IL17D: variants seen among roughly 807,000 people sequenced by gnomAD.
The protein encoded by IL17D is interleukin-17D.
IL17D carries 10 observed loss-of-function variants against 5.7 expected under a neutral mutation model. The observed-to-expected ratio is 1.75, with a 90% CI of 1.08 to 2.97. The LOEUF (loss-of-function observed/expected upper bound fraction) is 2.97. IL17D is among the 30% of genes most tolerant of loss of function. The probability of loss-of-function intolerance (pLI) is 0.00; values close to 1 mark genes in which losing one functional copy is unlikely to be tolerated. For synonymous variants in IL17D, 172 were observed against 141.7 expected, an observed-to-expected ratio of 1.21 and a Z score of -1.52; for missense variants, 354 against 292.7, an observed-to-expected ratio of 1.21 and a Z score of -1.53.
At chr13:20,719,232 T>G (rs1245033745) in intron 1 of IL17D, among the ~76,000 whole-genome samples, 1 of 133,010 alleles carries the variant, frequency 7.5e-6, no homozygotes, top group Non-Finnish European at 1.6e-5. Flanking sequence ...CACACGCCCA[T>G]GCTTACACGC....
At chr13:20,710,710 A>G (rs1383234076) in intron 1 of IL17D, among the ~76,000 whole-genome samples, 1 of 149,786 alleles carries the variant, frequency 6.7e-6, no homozygotes, top group Non-Finnish European at 1.5e-5. Flanking sequence ...TTAACAGCTT[A>G]TGTTTTCCAA....
At chr13:20,701,787 C>T (rs1235902322), upstream of IL17D, 2 of 152,210 alleles carry the variant, frequency 1.3e-5, no homozygotes, top group African/African-American at 4.8e-5. Flanking sequence ...TGACTCTCAA[C>T]TGATTAGTCT....
chr13:20,708,133 G>A (rs9509343), intron 1 of IL17D, among the ~76,000 whole-genome samples: 97,410 of 152,098 alleles, frequency 0.64, 32,624 homozygotes, highest in Non-Finnish European at 0.75. Flanking sequence ...GGCTGGTCTC[G>A]AACTCCTGGC....
At chr13:20,719,514 C>G (rs1033030644) in intron 1 of IL17D, among the ~76,000 whole-genome samples, 1 of 152,224 alleles carries the variant, frequency 6.6e-6, no homozygotes, top group African/African-American at 2.4e-5. Flanking sequence ...CACTCATGTT[C>G]ACGGTCAAAT....
At chr13:20,714,388 G>C (rs2058662989) in intron 1 of IL17D, among the ~76,000 whole-genome samples, 1 of 152,220 alleles carries the variant, frequency 6.6e-6, no homozygotes, top group Admixed American at 6.5e-5. Flanking sequence ...TTATTACCGT[G>C]AGGCTTAGGC....
At chr13:20,717,987 C>G (rs1228713252) in intron 1 of IL17D, among the ~76,000 whole-genome samples, 2 of 152,110 alleles carry the variant, frequency 1.3e-5, no homozygotes, top group South Asian at 2.1e-4. Context: ...GAGCAGTTAC[C>G]TACATACCGA....
At chr13:20,715,130 G>A (rs751464653) in intron 1 of IL17D, among the ~76,000 whole-genome samples, 28 of 152,116 alleles carry the variant, frequency 1.8e-4, no homozygotes, top group African/African-American at 7.2e-5. Flanking sequence ...ACCTGTCTTC[G>A]TGACTCATTA....
chr13:20,717,744 C>G (rs1047132185), intron 1 of IL17D, among the ~76,000 whole-genome samples: 6 of 152,178 alleles, frequency 3.9e-5, no homozygotes, highest in Admixed American at 2.6e-4. Context: ...CCATGGCCCA[C>G]GCAGCCATGG....
chr13:20,704,527 C>T (rs1357975548), intron 1 of IL17D, among the ~76,000 whole-genome samples: 6 of 25,312 alleles, frequency 2.4e-4, no homozygotes, highest in Admixed American at 5.9e-4. Flanking sequence ...GGGTGGGGTG[C>T]GAGGGGCGCT....
At chr13:20,718,808 C>T (rs1332310496) in intron 1 of IL17D, among the ~76,000 whole-genome samples, 4 of 105,758 alleles carry the variant, frequency 3.8e-5, no homozygotes, top group African/African-American at 1.5e-4. Context: ...CCACGCTCAC[C>T]CCTGCCCACA....
chr13:20,717,056 G>T (rs1015222930), intron 1 of IL17D: 1 of 152,202 alleles, frequency 6.6e-6, no homozygotes, highest in Non-Finnish European at 1.5e-5. Flanking sequence ...CAGGGGCAGG[G>T]CTCTTTTTCT....
At chr13:20,719,359 TCA>T (rs1176553051) in intron 1 of IL17D, among the ~76,000 whole-genome samples, 1 of 126,842 alleles carries the variant, frequency 7.9e-6, no homozygotes, top group Non-Finnish European at 1.7e-5. Flanking sequence ...CTGCCCATAC[TCA>T]CACACATGCC....
rs548345374 is a variant in IL17D, at chr13:20,715,486, C to T, written c.291-6150C>T. ...ATCAGCTGCAAATCGATAGATAGATCCGAGCTTAGCCAATGGCTAGCTAGC... is the reference window on the plus strand; with the variant it reads ...ATCAGCTGCAAATCGATAGATAGATTCGAGCTTAGCCAATGGCTAGCTAGC... On this transcript the variant is annotated intron_variant, in intron 1 of 1. Transcript: ENST00000682841. Among the ~76,000 whole-genome samples the T allele has an allele frequency of 3.3e-5, 5 of 152,262 alleles. No individual in the cohort carries two copies. The South Asian group carries it at 8.3e-4, about 25-fold the overall frequency.
intron 1 of IL17D, among the ~76,000 whole-genome samples, chr13:20,715,272 G>GA (rs933319143): frequency 2.6e-5 from 4 of 151,590 alleles, no homozygotes; most frequent in African/African-American, 2.4e-5. Flanking sequence ...GGGGTGGGGG[G>GA]GACACTGATT....
chr13:20,704,240 G>T lies in IL17D; in HGVS notation c.239G>T (p.Arg80Leu). The change falls in exon 1 of 2, where the codon CGC (arginine) becomes CTC (leucine). Residue 80 changes from arginine (R) to leucine (L), a missense_variant. Transcript: ENST00000682841. Reference protein sequence around the residue: ...SCPAGGRPADRRFRPPTNLRS... With the variant: ...SCPAGGRPADLRFRPPTNLRS... ...CCGGCAGGGGGCAGGCCCGCCGACCGCCGCTTCCGGCCGCCCACCAACCTG... is the reference window on the plus strand; with the variant it reads ...CCGGCAGGGGGCAGGCCCGCCGACCTCCGCTTCCGGCCGCCCACCAACCTG... 1 of 1,308,148 alleles carries T rather than the reference G, an allele frequency of 7.6e-7. No homozygotes were observed. 81.0% of individuals were successfully genotyped at this position (1,308,148 alleles called of 1,614,324 possible).
intron 1 of IL17D, among the ~76,000 whole-genome samples, chr13:20,718,802 G>T (rs560120252): frequency 8.6e-6 from 1 of 116,076 alleles, no homozygotes; most frequent in Non-Finnish European, 1.8e-5. Flanking sequence ...ACCTGCCCAC[G>T]CTCACCCCTG....
chr13:20,719,725 C>G (rs1321691466), intron 1 of IL17D, among the ~76,000 whole-genome samples: 1 of 152,194 alleles, frequency 6.6e-6, no homozygotes, highest in African/African-American at 2.4e-5. Context: ...GCCCCGCAGG[C>G]CTTCTTTAGG....
intron 1 of IL17D, among the ~76,000 whole-genome samples, chr13:20,705,850 C>T (rs1034201074): frequency 2.1e-4 from 32 of 152,078 alleles, no homozygotes. Context: ...ACTCAGGCAG[C>T]GCGGTGGGAA....
upstream of IL17D, chr13:20,703,206 C>A: frequency 1.1e-6 from 1 of 907,016 alleles, no homozygotes; most frequent in Non-Finnish European, 1.3e-6. Flanking sequence ...ATGCTCGCGG[C>A]TGGAAGCCCC....
Sources: gnomAD v4.1 joint callset for allele counts (sites outside exome capture counted in the v4.1 genomes callset) on GRCh38, gnomAD v4.1.1 for gene constraint, MANE v1.5 for transcripts, NCBI Gene and HGNC (gene_info 2026-07-23, HGNC 2026-07-21) for gene names.